The following EPHB2 variants were observed in gnomAD, a reference collection of about 807,000 sequenced individuals.
EPHB2 encodes the protein EPH receptor B2.
Under a neutral mutation model 96.4 loss-of-function variants are expected in EPHB2, and 18 were observed. The ratio of observed to expected loss-of-function variants is 0.19; its 90% CI spans 0.13 to 0.28. EPHB2 has a LOEUF of 0.28. EPHB2 is among the 10% of genes least tolerant of loss of function. EPHB2 has a pLI of 1.00. For synonymous variants in EPHB2, 506 were observed against 534.1 expected, an observed-to-expected ratio of 0.95 and a Z score of 0.72; for missense variants, 989 against 1,355.4, an observed-to-expected ratio of 0.73 and a Z score of 4.25.
At chr1:22,888,183 A>G (rs890783422) in intron 6 of EPHB2, among the ~76,000 whole-genome samples, 2 of 152,194 alleles carry the variant, frequency 1.3e-5, no homozygotes, top group Non-Finnish European at 1.5e-5. Flanking sequence ...CTGGGATTAC[A>G]GGCATGTGCC....
At chr1:22,725,904 G>C (rs1643570915) in intron 1 of EPHB2, among the ~76,000 whole-genome samples, 1 of 152,148 alleles carries the variant, frequency 6.6e-6, no homozygotes, top group Non-Finnish European at 1.5e-5. Flanking sequence ...GAAGAGATTT[G>C]GCATCTGGTC....
intron 3 of EPHB2, among the ~76,000 whole-genome samples, chr1:22,852,755 G>A (rs1645641804): frequency 6.6e-6 from 1 of 152,236 alleles, no homozygotes; most frequent in Admixed American, 6.5e-5. Context: ...GGTTGCTCCG[G>A]CCTTGGGGCC....
intron 5 of EPHB2, among the ~76,000 whole-genome samples, chr1:22,881,379 C>A (rs1218165429): frequency 6.6e-6 from 1 of 150,468 alleles, no homozygotes; most frequent in Non-Finnish European, 1.5e-5. Flanking sequence ...GCTAGGGTGG[C>A]AGAGCGAGAC....
At chr1:22,822,336 AAAAGG>A (rs1645163727) in intron 3 of EPHB2, among the ~76,000 whole-genome samples, 2 of 152,318 alleles carry the variant, frequency 1.3e-5, no homozygotes, top group South Asian at 4.1e-4. Flanking sequence ...ATTTAAAAAA[AAAAGG>A]AAAGTGATGG....
intron 1 of EPHB2, among the ~76,000 whole-genome samples, chr1:22,754,896 A>C (rs1557654849): frequency 4.4e-5 from 1 of 22,622 alleles, no homozygotes; most frequent in Non-Finnish European, 9.3e-5. Context: ...GGCGAGGGGC[A>C]GAGGAGGTGA....
At chr1:22,791,444 T>A (rs537922790) in intron 3 of EPHB2, among the ~76,000 whole-genome samples, 2 of 98,844 alleles carry the variant, frequency 2.0e-5, no homozygotes, top group East Asian at 9.9e-4. Flanking sequence ...ATTACATGGG[T>A]TTCTTTCTTT....
At chr1:22,723,196 G>A (rs768546276) in intron 1 of EPHB2, among the ~76,000 whole-genome samples, 1 of 152,250 alleles carries the variant, frequency 6.6e-6, no homozygotes, top group Admixed American at 6.5e-5. Flanking sequence ...GGGAGAAAGC[G>A]GCTTAGCGCA....
intron 5 of EPHB2, among the ~76,000 whole-genome samples, chr1:22,870,963 G>A (rs999154157): frequency 6.6e-6 from 1 of 152,170 alleles, no homozygotes; most frequent in Non-Finnish European, 1.5e-5. Context: ...TGCCTCCCAG[G>A]TTGCTGGCAC....
chr1:22,808,131 C>CAAA (rs35957296), intron 3 of EPHB2, among the ~76,000 whole-genome samples: 3 of 141,360 alleles, frequency 2.1e-5, no homozygotes, highest in East Asian at 2.0e-4. Context: ...AAGACTGTCA[C>CAAA]AAAAAAAAAA....
In EPHB2 at chr1:22,917,950, G is replaced by A. The variant is rs1224761973; in HGVS notation, c.*4380G>A. ...AGCTGCCAGAATGGTCCAACACAGT[G>A]AGGAGTTGTGTCTGGATGGGCCAGT... On this transcript the variant is annotated 3_prime_UTR_variant, in exon 16 of 16. Transcript: ENST00000374630. The A allele has an allele frequency of 6.6e-6, 1 of 152,380 alleles. No individual in the cohort carries two copies. Among genetic ancestry groups the A allele is most frequent in the Non-Finnish European group, 1.5e-5 (1 of 68,180 alleles). 9.4% of individuals were successfully genotyped at this position (152,380 alleles called of 1,614,324 possible).
chr1:22,781,576 T>G, intron 2 of EPHB2, 91 bp downstream of exon 2: 1 of 1,322,648 alleles, frequency 7.6e-7, no homozygotes, highest in Non-Finnish European at 1.1e-6. Context: ...TTCTAACCCC[T>G]TTCCCCCTCT....
chr1:22,738,273 G>T (rs762297736), intron 1 of EPHB2, among the ~76,000 whole-genome samples: 1 of 152,128 alleles, frequency 6.6e-6, no homozygotes, highest in Non-Finnish European at 1.5e-5. Flanking sequence ...TCCTGGCTCT[G>T]TGCTTATCTG....
chr1:22,896,500 C>A lies in EPHB2; in HGVS notation c.1765+22C>A, dbSNP rs1371804848. 4 of 1,613,928 alleles carry A rather than the reference C, an allele frequency of 2.5e-6. No homozygotes were observed. The Admixed American group carries it at 6.7e-5, about 27-fold the overall frequency. The stretch of plus-strand genomic sequence containing the variant: ...CACAGTATGTACACACCCAAGCGGG[C>A]TGGAACCCTTGGGCCCTTCACTGTC... On this transcript the variant is annotated intron_variant, in intron 9 of 15. Transcript: ENST00000374630.
Position 22,773,317 on chromosome 1 carries a change from G to A in EPHB2, c.62-8104G>A, listed in dbSNP as rs565833338. On this transcript the variant is annotated intron_variant, in intron 1 of 15. Coordinates refer to ENST00000374630, the MANE Select transcript of EPHB2 (RefSeq NM_017449.5). ...AGAGTGCTGTGACCATGGACAGTCC[G>A]GGTCAGGCCTCCAGGCTGTGAATGG... Among the ~76,000 whole-genome samples, 24 of 152,282 alleles carry A rather than the reference G, an allele frequency of 1.6e-4. No homozygotes were observed. In the East Asian group the frequency reaches 3.7e-3, roughly 23 times the overall value.
intron 3 of EPHB2, among the ~76,000 whole-genome samples, chr1:22,838,589 C>G (rs1041744426): frequency 2.0e-5 from 3 of 152,118 alleles, no homozygotes; most frequent in African/African-American, 7.2e-5. Context: ...CTGGGGTAAG[C>G]TAGCATGTAG....
In EPHB2 at chr1:22,865,082, A is replaced by G. The variant is rs752474275; in HGVS notation, c.1173A>G (p.Pro391=). The G allele has an allele frequency of 1.2e-6, 2 of 1,614,218 alleles. No homozygotes were observed. Among genetic ancestry groups the G allele is most frequent in the Admixed American group, 3.3e-5 (2 of 60,034 alleles). The change falls in exon 5 of 16, where the codon CCA becomes CCG. Residue 391 remains proline (P), a synonymous_variant. Transcript: ENST00000374630. ...YAPRQLGLTE[P]RIYISDLLAH... ...CACGCCAGCTAGGCCTGACCGAGCC[A>G]CGCATTTACATCAGTGACCTGCTGG...
chr1:22,727,810 A>T (rs1470135), intron 1 of EPHB2, among the ~76,000 whole-genome samples: 1 of 140,692 alleles, frequency 7.1e-6, no homozygotes, highest in African/African-American at 2.6e-5. Flanking sequence ...AAAAAAAAAA[A>T]CTTTTTTTTT....
chr1:22,771,501 G>A (rs1644379227), intron 1 of EPHB2, among the ~76,000 whole-genome samples: 1 of 152,196 alleles, frequency 6.6e-6, no homozygotes, highest in Non-Finnish European at 1.5e-5. Flanking sequence ...CAGAAGGGGT[G>A]CAGCTATAAG....
intron 9 of EPHB2, among the ~76,000 whole-genome samples, chr1:22,900,839 C>G (rs562175217): frequency 2.6e-5 from 4 of 152,268 alleles, no homozygotes; most frequent in Non-Finnish European, 5.9e-5. Context: ...AGCCACCCTG[C>G]GTGGTCAGGA....
Sources: gnomAD v4.1 joint callset for allele counts (sites outside exome capture counted in the v4.1 genomes callset) on GRCh38, gnomAD v4.1.1 for gene constraint, MANE v1.5 for transcripts, NCBI Gene and HGNC (gene_info 2026-07-23, HGNC 2026-07-21) for gene names.